The following JADE2 variants were observed in gnomAD, a reference collection of about 807,000 sequenced individuals.
The protein encoded by JADE2 is jade family PHD finger 2, also known as E3 ubiquitin-protein ligase Jade-2.
JADE2 carries 13 observed loss-of-function variants against 85.7 expected under a neutral mutation model. The observed-to-expected ratio is 0.15, with a 90% CI of 0.10 to 0.24. The LOEUF (loss-of-function observed/expected upper bound fraction) is 0.24, where lower values mean the gene tolerates loss of function less well. Among genes scored for constraint, JADE2 ranks in the 10% least tolerant of loss-of-function variants. JADE2 has a pLI of 1.00. For missense variants in JADE2, 846 were observed against 1,115.9 expected (o/e 0.76, Z 3.45); for synonymous variants, 440 against 456.1 (o/e 0.96, Z 0.45).
At chr5:134,571,868 C>G (rs1335175005) in intron 9 of JADE2, among the ~76,000 whole-genome samples, 2 of 152,200 alleles carry the variant, frequency 1.3e-5, no homozygotes. Context: ...ATTCCTCGTT[C>G]CCAGGCTCTG....
At chr5:134,527,249 G>A (rs536107911) in intron 1 of JADE2, among the ~76,000 whole-genome samples, 2 of 151,316 alleles carry the variant, frequency 1.3e-5, no homozygotes. Flanking sequence ...CTGCGCCTGC[G>A]GAGCGGCGCC....
At chr5:134,525,641 C>A, upstream of JADE2, 7 of 820,416 alleles carry the variant, frequency 8.5e-6, no homozygotes, top group African/African-American at 2.2e-5. Flanking sequence ...CTAAAGAGAT[C>A]ACAAGGAAGT....
chr5:134,524,907 T>C (rs1760710775), upstream of JADE2, among the ~76,000 whole-genome samples: 1 of 152,272 alleles, frequency 6.6e-6, no homozygotes, highest in East Asian at 1.9e-4. Flanking sequence ...TCTGCTCACT[T>C]CTGGTGCTGC....
chr5:134,532,324 G>A (rs76252384), intron 1 of JADE2, among the ~76,000 whole-genome samples: 2,192 of 152,304 alleles, frequency 0.014, 23 homozygotes, highest in Non-Finnish European at 0.021. Context: ...ATAGTAGGAA[G>A]AAAGTGGGTG....
intron 1 of JADE2, among the ~76,000 whole-genome samples, chr5:134,533,327 G>C (rs1761368904): frequency 6.6e-6 from 1 of 152,152 alleles, no homozygotes; most frequent in South Asian, 2.1e-4. Context: ...TGTTTAGTTT[G>C]GCCCTTTCAA....
chr5:134,564,187 C>A, intron 7 of JADE2: 1 of 236,316 alleles, frequency 4.2e-6, no homozygotes. Context: ...CCCACGCAGT[C>A]TTAAGCACAT....
chr5:134,529,941 C>G (rs1201557810), intron 1 of JADE2, among the ~76,000 whole-genome samples: 1 of 152,240 alleles, frequency 6.6e-6, no homozygotes, highest in Non-Finnish European at 1.5e-5. Flanking sequence ...GGAGCTGAGT[C>G]CCCTCTGGGA....
At chr5:134,549,606 G>A (rs915285235) in intron 3 of JADE2, among the ~76,000 whole-genome samples, 2 of 152,022 alleles carry the variant, frequency 1.3e-5, no homozygotes, top group Non-Finnish European at 2.9e-5. Flanking sequence ...GCAGTGAACC[G>A]AGATTGTGCA....
At chr5:134,552,755 C>T (rs1762665517) in intron 4 of JADE2, among the ~76,000 whole-genome samples, 1 of 152,222 alleles carries the variant, frequency 6.6e-6, no homozygotes, top group African/African-American at 2.4e-5. Flanking sequence ...CCACTGAAGC[C>T]TTGACCTCCC....
intron 1 of JADE2, chr5:134,526,666 C>T (rs1257037748): frequency 2.0e-6 from 2 of 985,314 alleles, no homozygotes; most frequent in Non-Finnish European, 2.4e-6. Context: ...CACGCGGGCG[C>T]TGCACGCGGG....
At position 134,578,082 on chromosome 5, in the gene JADE2, G is replaced by A. The variant is rs1038434903; in HGVS notation, c.1682-412G>A. On this transcript the variant is annotated intron_variant, in intron 11 of 11. Coordinates refer to ENST00000681547, the MANE Select transcript of JADE2 (RefSeq NM_001388185.1). This position sits in a 1 kb window ranked among gnomAD's most constrained non-coding sequence, Gnocchi z 4.4. ...ACCTGTGCAGTGCCACGGGGTCCTT[G>A]TTCTTGGTTAATGCTCTGCTGCTGC... Among the ~76,000 whole-genome samples the A allele has an allele frequency of 2.6e-5, 4 of 152,294 alleles. No homozygotes were observed. Among genetic ancestry groups the A allele is most frequent in the Middle Eastern group, 3.4e-3 (1 of 294 alleles).
At chr5:134,539,666 G>T (rs1581407036) in intron 3 of JADE2, among the ~76,000 whole-genome samples, 2 of 152,240 alleles carry the variant, frequency 1.3e-5, no homozygotes, top group Non-Finnish European at 1.5e-5. Flanking sequence ...AAATCCTTGG[G>T]GCTCACAATG....
Position 134,579,034 on chromosome 5 carries a change from G to T in JADE2, c.2222G>T (p.Gly741Val). 1 of 1,613,988 alleles carries T rather than the reference G, an allele frequency of 6.2e-7. No homozygotes were observed. Among genetic ancestry groups the T allele is most frequent in the Non-Finnish European group, 8.5e-7 (1 of 1,180,038 alleles). Residue 741 changes from glycine to valine, a missense_variant, in exon 12 of 12, where the codon GGC (glycine) becomes GTC (valine). By Grantham distance (109) the Gly-to-Val change is moderately radical. Around this residue, in one of 9 missense-constraint regions of JADE2, gnomAD observed 300 missense variants for 300.7 expected, o/e 1.00. Transcript: ENST00000681547. This position sits in a 1 kb window ranked among gnomAD's most constrained non-coding sequence, Gnocchi z 4.6. ...GCTGACTCAGATGTCCAAGTGCCTG[G>T]CCCTGCAGCAAGCCCTAAGCCTTTG... is the stretch of plus-strand genomic sequence containing the variant. ...VAADSDVQVPGPAASPKPLGR... is the reference protein window; with the variant it reads ...VAADSDVQVPVPAASPKPLGR...
At chr5:134,547,347 A>G (rs1438035134) in intron 3 of JADE2, among the ~76,000 whole-genome samples, 1 of 152,264 alleles carries the variant, frequency 6.6e-6, no homozygotes, top group Non-Finnish European at 1.5e-5. Flanking sequence ...AGCTACAATT[A>G]ACATCTCCTA....
chr5:134,525,746 A>G lies in JADE2; in HGVS notation c.-266A>G. ...TGGAGGCTATTTTTTGGGGGGGGTG[A>G]GTAGCGTCCATGGAGTTACTTTGCG... is the stretch of plus-strand genomic sequence containing the variant. On this transcript the variant is annotated 5_prime_UTR_variant, in exon 1 of 12. Coordinates refer to ENST00000681547, the MANE Select transcript of JADE2 (RefSeq NM_001388185.1). 8.2e-7 allele frequency: 1 copy of G among 1,224,862 alleles called. No individual in the cohort carries two copies. The highest frequency in any genetic ancestry group is 1.4e-5 in the South Asian group (1 of 73,100). The allele number at this position is 1,224,862 out of a possible 1,614,324, so 75.9% of individuals were successfully genotyped here. A position where few individuals can be genotyped will look rare whatever the true frequency, so the allele number is the denominator to read the frequency against.
intron 3 of JADE2, among the ~76,000 whole-genome samples, chr5:134,546,178 GTTTGTTTT>G (rs1283328192): frequency 6.9e-6 from 1 of 144,526 alleles, no homozygotes; most frequent in East Asian, 2.0e-4. Context: ...TTGTTTGTTT[GTTTGTTTT>G]GAGACAGGGT....
chr5:134,524,430 G>A (rs1760687090), upstream of JADE2: 1 of 152,402 alleles, frequency 6.6e-6, no homozygotes, highest in Admixed American at 6.5e-5. Context: ...GCACCACAAG[G>A]TCAAGTCGGG....
At chr5:134,533,185 C>G (rs1581393429) in intron 1 of JADE2, among the ~76,000 whole-genome samples, 1 of 152,302 alleles carries the variant, frequency 6.6e-6, no homozygotes, top group African/African-American at 2.4e-5. Flanking sequence ...AGCCCCTCCT[C>G]CAGGACTTTC....
At chr5:134,533,074 G>T (rs751558400) in intron 1 of JADE2, among the ~76,000 whole-genome samples, 29 of 152,274 alleles carry the variant, frequency 1.9e-4, no homozygotes, top group Middle Eastern at 6.8e-3. Context: ...CTTGGTGCGG[G>T]GTGTAGGTCT....
Sources: gnomAD v4.1 joint callset for allele counts (sites outside exome capture counted in the v4.1 genomes callset) on GRCh38, gnomAD v4.1.1 for gene constraint, gnomAD v4.1.1 regional missense constraint, Gnocchi (gnomAD v3.1) non-coding constraint, MANE v1.5 for transcripts, NCBI Gene and HGNC (gene_info 2026-07-23, HGNC 2026-07-21) for gene names.